The following SBF2 variants were observed in gnomAD, a reference collection of about 807,000 sequenced individuals.
SBF2 encodes the protein SET binding factor 2, also known as myotubularin-related protein 13.
In SBF2, 112 loss-of-function variants were observed where a neutral mutation model predicts 225.2. That is an observed-to-expected ratio of 0.50 (90% CI 0.43 to 0.58). The LOEUF is 0.58. SBF2 is among the 20% of genes least tolerant of loss of function. The probability of loss-of-function intolerance (pLI) is 0.00; values close to 1 mark genes in which losing one functional copy is unlikely to be tolerated. For missense variants in SBF2, 1,996 were observed against 2,206.2 expected (o/e 0.90, Z 1.91); for synonymous variants, 763 against 773.3 (o/e 0.99, Z 0.22).
At chr11:9,979,012 GAAC>G (rs909906138) in intron 13 of SBF2, among the ~76,000 whole-genome samples, 1 of 152,168 alleles carries the variant, frequency 6.6e-6, no homozygotes, top group African/African-American at 2.4e-5. Flanking sequence ...CAAACAAAAA[GAAC>G]AACATGTAAA....
chr11:10,080,269 A>C (rs1203064808), intron 2 of SBF2, among the ~76,000 whole-genome samples: 1 of 150,868 alleles, frequency 6.6e-6, no homozygotes, highest in African/African-American at 2.4e-5. Flanking sequence ...AAAAAAAAAA[A>C]AGTAAACCCC....
intron 18 of SBF2, 132 bp from the exon 19 acceptor site, chr11:9,856,852 A>G: frequency 1.1e-6 from 1 of 902,056 alleles, no homozygotes; most frequent in Non-Finnish European, 1.7e-6. Context: ...CAGTGGCACG[A>G]TCTTGGCTCA....
intron 2 of SBF2, among the ~76,000 whole-genome samples, chr11:10,098,859 A>T (rs1196321467): frequency 6.6e-6 from 1 of 152,098 alleles, no homozygotes; most frequent in Non-Finnish European, 1.5e-5. Flanking sequence ...AGAAAAAGAA[A>T]AAAAAAGAAT....
chr11:10,084,169 A>C (rs1417495583), intron 2 of SBF2, among the ~76,000 whole-genome samples: 1 of 152,196 alleles, frequency 6.6e-6, no homozygotes, highest in East Asian at 1.9e-4. Flanking sequence ...ACAAAAAATT[A>C]ACCTTATTAA....
At chr11:9,874,662 G>C (rs1209083602) in intron 17 of SBF2, among the ~76,000 whole-genome samples, 1 of 152,242 alleles carries the variant, frequency 6.6e-6, no homozygotes, top group Non-Finnish European at 1.5e-5. Context: ...TTCTGAGAAT[G>C]AGTGACAGCC....
chr11:10,259,167 G>C (rs745309387), intron 1 of SBF2, among the ~76,000 whole-genome samples: 10 of 152,146 alleles, frequency 6.6e-5, no homozygotes, highest in Non-Finnish European at 1.3e-4. Context: ...TAATTTCCTT[G>C]TGTGAAATGA....
At chr11:10,072,418 T>C (rs1950918783) in intron 2 of SBF2, among the ~76,000 whole-genome samples, 1 of 152,172 alleles carries the variant, frequency 6.6e-6, no homozygotes, top group African/African-American at 2.4e-5. Flanking sequence ...CACTACCTTT[T>C]AAGAGTCAGA....
chr11:10,089,084 G>A (rs1951683928), intron 2 of SBF2, among the ~76,000 whole-genome samples: 1 of 152,134 alleles, frequency 6.6e-6, no homozygotes, highest in Admixed American at 6.5e-5. Context: ...GTGGGTACAA[G>A]TGCAGTTTTG....
At chr11:9,964,995 A>G (rs1363152609) in intron 14 of SBF2, among the ~76,000 whole-genome samples, 1 of 152,126 alleles carries the variant, frequency 6.6e-6, no homozygotes, top group East Asian at 1.9e-4. Flanking sequence ...GTAGCCATTA[A>G]GTAATTTCTC....
chr11:9,960,134 A>G (rs1478102226), intron 16 of SBF2: 3 of 165,760 alleles, frequency 1.8e-5, no homozygotes, highest in African/African-American at 7.2e-5. Context: ...AGCTGGGACT[A>G]TAGATGCACA....
chr11:10,285,790 T>C (rs1180252678), intron 1 of SBF2, among the ~76,000 whole-genome samples: 1 of 152,220 alleles, frequency 6.6e-6, no homozygotes, highest in Admixed American at 6.5e-5. Context: ...TTTGTGCATT[T>C]TGTCCAATTC....
At chr11:10,243,526 A>C (rs11827024) in intron 1 of SBF2, among the ~76,000 whole-genome samples, 59,789 of 151,146 alleles carry the variant, frequency 0.4, 12,828 homozygotes, top group Non-Finnish European at 0.48. Context: ...ATGACAAAAT[A>C]AAGAGTTTTT....
At chr11:10,033,277 T>A (rs1033291702) in intron 3 of SBF2, among the ~76,000 whole-genome samples, 1 of 152,136 alleles carries the variant, frequency 6.6e-6, no homozygotes, top group African/African-American at 2.4e-5. Context: ...TTGTGATAAA[T>A]GCCCTAGAGT....
At chr11:10,085,031 C>T (rs943857511) in intron 2 of SBF2, among the ~76,000 whole-genome samples, 3 of 152,106 alleles carry the variant, frequency 2.0e-5, no homozygotes, top group Non-Finnish European at 4.4e-5. Context: ...GACATGACTT[C>T]ATAATCTATG....
At chr11:9,858,202 T>TA in intron 18 of SBF2, 24 bp downstream of exon 18, 2 of 1,613,444 alleles carry the variant, frequency 1.2e-6, no homozygotes, top group Non-Finnish European at 1.7e-6. Context: ...CCCACACAAT[T>TA]AGAGTTCTTT....
intron 2 of SBF2, among the ~76,000 whole-genome samples, chr11:10,109,187 G>GTATA (rs58064960): frequency 0.069 from 10,325 of 150,018 alleles, 505 homozygotes; most frequent in East Asian, 0.28. Flanking sequence ...AGGTATGTGT[G>GTATA]TATATATATA....
At chr11:9,960,335 A>G (rs1258251330) in intron 16 of SBF2, 1 of 152,196 alleles carries the variant, frequency 6.6e-6, no homozygotes, top group African/African-American at 2.4e-5. Context: ...CCCTACCCCA[A>G]ATTCATATGG....
At position 9,959,816 on chromosome 11, in the gene SBF2, C is replaced by T. The variant is rs530770112; in HGVS notation, c.1860+2141G>A. 376 of 590,380 alleles carry T rather than the reference C, an allele frequency of 6.4e-4. 1 individual carries two copies. Among genetic ancestry groups the T allele is most frequent in the Non-Finnish European group, 9.6e-4 (291 of 302,054 alleles). The allele number at this position is 590,380 out of a possible 1,614,324, so 36.6% of individuals were successfully genotyped here. On this transcript the variant is annotated intron_variant, in intron 16 of 39. Transcript: ENST00000256190. ...GAAGGTGTTCTGGGCACTGAGCAGGCGGGTAGGTAAAGGTAGGCTGCGAGA... is the reference window on the plus strand; with the variant it reads ...GAAGGTGTTCTGGGCACTGAGCAGGTGGGTAGGTAAAGGTAGGCTGCGAGA...
At chr11:9,974,652 G>GCC (rs144017672) in intron 13 of SBF2, among the ~76,000 whole-genome samples, 2 of 127,140 alleles carry the variant, frequency 1.6e-5, no homozygotes, top group African/African-American at 3.0e-5. Flanking sequence ...CCCCAACACC[G>GCC]CCCAAAAAAA....
Sources: gnomAD v4.1 joint callset for allele counts (sites outside exome capture counted in the v4.1 genomes callset) on GRCh38, gnomAD v4.1.1 for gene constraint, MANE v1.5 for transcripts, NCBI Gene and HGNC (gene_info 2026-07-23, HGNC 2026-07-21) for gene names.